Variants in PLGRKT observed in about 807,000 individuals in gnomAD.
PLGRKT encodes plasminogen receptor with a C-terminal lysine.
PLGRKT carries 22 observed loss-of-function variants against 18.5 expected under a neutral mutation model. That is an observed-to-expected ratio of 1.19 (90% CI 0.85 to 1.70). The LOEUF is 1.70. PLGRKT is among the 40% of genes most tolerant of loss of function. The pLI is 0.00. For missense variants in PLGRKT, 235 were observed against 174.4 expected (o/e 1.35, Z -1.96); for synonymous variants, 72 against 52.8 (o/e 1.36, Z -1.58).
chr9:5,420,106 G>A (rs1384295565), intron 3 of PLGRKT, among the ~76,000 whole-genome samples: 1 of 152,208 alleles, frequency 6.6e-6, no homozygotes, highest in Non-Finnish European at 1.5e-5. Flanking sequence ...TATGTTAATT[G>A]GAGGAAGCCA....
intron 3 of PLGRKT, among the ~76,000 whole-genome samples, chr9:5,408,526 G>T (rs1167210252): frequency 6.6e-6 from 1 of 152,204 alleles, no homozygotes; most frequent in Non-Finnish European, 1.5e-5. Flanking sequence ...ATATGCACAA[G>T]CAAAGAAATG....
At chr9:5,411,374 G>C (rs1192795257) in intron 3 of PLGRKT, among the ~76,000 whole-genome samples, 5 of 136,642 alleles carry the variant, frequency 3.7e-5, no homozygotes, top group Non-Finnish European at 6.1e-5. Context: ...GACAGAGCAA[G>C]ACCCTGTTTC....
At chr9:5,365,486 T>C (rs1817364915) in intron 3 of PLGRKT, among the ~76,000 whole-genome samples, 1 of 149,512 alleles carries the variant, frequency 6.7e-6, no homozygotes, top group Middle Eastern at 3.4e-3. Context: ...GAAGTGGAGC[T>C]TAACTCCCAC....
intron 3 of PLGRKT, among the ~76,000 whole-genome samples, chr9:5,414,584 C>T (rs1818423914): frequency 6.6e-6 from 1 of 152,072 alleles, no homozygotes; most frequent in African/African-American, 2.4e-5. Context: ...CAAATAAATC[C>T]AACTGCATTA....
At position 5,361,871 on chromosome 9, in the gene PLGRKT, G is replaced by T. The variant is rs1436204632; in HGVS notation, c.99C>A (p.Ile33=). ...GTCTTTCCCTCATTTCACTCTGCAT[G>T]ATGAGCTGCCTTTCCAGCTAAGGAC... is the stretch of plus-strand genomic sequence containing the variant. ...NARLQLERQL[I]MQSEMRERQM... Residue 33 remains isoleucine, a synonymous_variant, in exon 4 of 6, where the codon ATC becomes ATA. Coordinates refer to ENST00000223864, the MANE Select transcript of PLGRKT (RefSeq NM_018465.4). 5.6e-6 allele frequency: 9 copies of T among 1,612,854 alleles called. No homozygotes were observed. Among genetic ancestry groups the T allele is most frequent in the Non-Finnish European group, 7.6e-6 (9 of 1,179,532 alleles).
chr9:5,436,290 A>G (rs1818958192), intron 2 of PLGRKT, among the ~76,000 whole-genome samples: 1 of 152,266 alleles, frequency 6.6e-6, no homozygotes, highest in Non-Finnish European at 1.5e-5. Flanking sequence ...ACAAAGCATG[A>G]GAGATACAAG....
At chr9:5,362,879 G>A (rs1324453329) in intron 3 of PLGRKT, among the ~76,000 whole-genome samples, 2 of 152,120 alleles carry the variant, frequency 1.3e-5, no homozygotes, top group Non-Finnish European at 2.9e-5. Flanking sequence ...AAACAGAGAA[G>A]ACTTGTGGCC....
intron 3 of PLGRKT, among the ~76,000 whole-genome samples, chr9:5,386,604 G>A (rs534476500): frequency 1.3e-5 from 2 of 151,898 alleles, no homozygotes; most frequent in African/African-American, 2.4e-5. Context: ...CACTATAGAG[G>A]CCAAAGAGAA....
At chr9:5,435,484 T>G (rs1818943099) in intron 2 of PLGRKT, among the ~76,000 whole-genome samples, 1 of 152,202 alleles carries the variant, frequency 6.6e-6, no homozygotes, top group Non-Finnish European at 1.5e-5. Context: ...TTCACTCTCA[T>G]TCTCTCCAAG....
chr9:5,364,755 C>T (rs553124159), intron 3 of PLGRKT, among the ~76,000 whole-genome samples: 1 of 152,198 alleles, frequency 6.6e-6, no homozygotes, highest in African/African-American at 2.4e-5. Flanking sequence ...AACTGCTTTA[C>T]ATGTCTACTG....
At chr9:5,387,200 G>A (rs1262155546) in intron 3 of PLGRKT, among the ~76,000 whole-genome samples, 5 of 151,882 alleles carry the variant, frequency 3.3e-5, no homozygotes, top group African/African-American at 1.2e-4. Flanking sequence ...ATAGGGTCTC[G>A]TAGGCCTTTG....
At chr9:5,396,820 A>C (rs1818058643) in intron 3 of PLGRKT, among the ~76,000 whole-genome samples, 1 of 152,020 alleles carries the variant, frequency 6.6e-6, no homozygotes, top group Non-Finnish European at 1.5e-5. Flanking sequence ...AACAGATGGA[A>C]GCCAGCTATG....
chr9:5,369,409 A>C (rs991932634), intron 3 of PLGRKT, among the ~76,000 whole-genome samples: 1 of 152,254 alleles, frequency 6.6e-6, no homozygotes. Context: ...CATGCCAGTT[A>C]GAACGGTGAT....
chr9:5,390,153 T>A (rs1817920728), intron 3 of PLGRKT, among the ~76,000 whole-genome samples: 1 of 151,734 alleles, frequency 6.6e-6, no homozygotes, highest in African/African-American at 2.4e-5. Context: ...TTGCTTAAAA[T>A]ACCAGCAATT....
chr9:5,436,065 T>G (rs1440599875), intron 2 of PLGRKT, among the ~76,000 whole-genome samples: 1 of 152,180 alleles, frequency 6.6e-6, no homozygotes. Context: ...GAGATTTCCC[T>G]CCCCTTCTGC....
At chr9:5,432,921 G>T (rs535282641) in intron 2 of PLGRKT, among the ~76,000 whole-genome samples, 1 of 151,578 alleles carries the variant, frequency 6.6e-6, no homozygotes, top group Non-Finnish European at 1.5e-5. Context: ...CCGCCACTCC[G>T]TCTAGGAAGT....
intron 3 of PLGRKT, among the ~76,000 whole-genome samples, chr9:5,429,761 C>T (rs566928290): frequency 7.2e-5 from 11 of 152,336 alleles, no homozygotes; most frequent in African/African-American, 2.6e-4. Flanking sequence ...AAGGCTTCAA[C>T]ATATGAATTT....
intron 3 of PLGRKT, among the ~76,000 whole-genome samples, chr9:5,389,037 G>C (rs191507582): frequency 2.6e-5 from 4 of 151,936 alleles, no homozygotes; most frequent in Non-Finnish European, 5.9e-5. Context: ...GGGAACTGTG[G>C]GGTGTCTCAG....
At chr9:5,376,452 T>G (rs2131085099) in intron 3 of PLGRKT, among the ~76,000 whole-genome samples, 1 of 152,306 alleles carries the variant, frequency 6.6e-6, no homozygotes, top group South Asian at 2.1e-4. Flanking sequence ...TAATACTAAC[T>G]ACCTCTGAGG....
Sources: allele counts gnomAD v4.1 joint callset (sites outside exome capture counted in the v4.1 genomes callset), GRCh38; gene constraint gnomAD v4.1.1; transcripts MANE v1.5; gene names NCBI Gene and HGNC (gene_info 2026-07-23, HGNC 2026-07-21).